Variants in TBC1D22A observed in about 807,000 individuals in gnomAD.
The protein encoded by TBC1D22A is TBC1 domain family member 22A, also known as putative GTPase activator.
A neutral mutation model predicts 60.2 loss-of-function variants in TBC1D22A; 38 were observed. That is an observed-to-expected ratio of 0.63 (90% CI 0.49 to 0.83). The LOEUF is 0.83. Ranked by LOEUF, TBC1D22A falls within the 40% of genes least tolerant of loss-of-function variation. The pLI, the probability that TBC1D22A is intolerant of heterozygous loss-of-function variation, is 0.00. For missense variants in TBC1D22A, 628 were observed against 701.0 expected, an observed-to-expected ratio of 0.90 and a Z score of 1.18; for synonymous variants, 302 against 281.7, an observed-to-expected ratio of 1.07 and a Z score of -0.72.
intron 7 of TBC1D22A, among the ~76,000 whole-genome samples, chr22:46,903,384 C>T (rs144254634): frequency 2.6e-5 from 4 of 152,218 alleles, no homozygotes; most frequent in African/African-American, 9.6e-5. Context: ...TTTGCCCTCC[C>T]CGCCCTGATG....
intron 12 of TBC1D22A, among the ~76,000 whole-genome samples, chr22:47,149,150 A>G (rs1227254088): frequency 6.6e-6 from 1 of 152,060 alleles, no homozygotes. Context: ...CTGGGGTCAC[A>G]TGGCTCGGGG....
At chr22:46,949,041 G>A (rs2072732258) in intron 8 of TBC1D22A, among the ~76,000 whole-genome samples, 1 of 152,126 alleles carries the variant, frequency 6.6e-6, no homozygotes, top group Non-Finnish European at 1.5e-5. Flanking sequence ...TCTGAGTGAG[G>A]GTCACTCATT....
intron 8 of TBC1D22A, among the ~76,000 whole-genome samples, chr22:46,937,453 C>T (rs2071722922): frequency 1.3e-5 from 2 of 152,290 alleles, no homozygotes; most frequent in South Asian, 4.1e-4. Flanking sequence ...ATGCTGGTGT[C>T]AACAAACCTA....
chr22:46,793,454 G>T, intron 2 of TBC1D22A, 47 bp from the exon 3 acceptor site: 1 of 1,596,300 alleles, frequency 6.3e-7, no homozygotes, highest in South Asian at 1.1e-5. Context: ...CTGGTTTTGG[G>T]TGAAGCCTTC....
intron 12 of TBC1D22A, among the ~76,000 whole-genome samples, chr22:47,136,581 G>C (rs1314929296): frequency 1.3e-5 from 1 of 76,896 alleles, no homozygotes; most frequent in African/African-American, 4.1e-5. Context: ...GTGAGGCTGT[G>C]GACCCAGTTC....
At chr22:46,996,285 C>T (rs1230846843) in intron 9 of TBC1D22A, among the ~76,000 whole-genome samples, 1 of 152,250 alleles carries the variant, frequency 6.6e-6, no homozygotes, top group Non-Finnish European at 1.5e-5. Context: ...CTAGCTGAGA[C>T]TCATGGGGCC....
intron 7 of TBC1D22A, among the ~76,000 whole-genome samples, chr22:46,904,142 T>TCTACCTACCTACCTACCTACCTAC (rs11268390): frequency 5.9e-5 from 8 of 134,576 alleles, no homozygotes; most frequent in African/African-American, 2.4e-4. Flanking sequence ...TATCTATCTA[T>TCTACCTACCTACCTACCTACCTAC]CTACCTACCT....
At chr22:46,896,010 C>T (rs182204371) in intron 7 of TBC1D22A, among the ~76,000 whole-genome samples, 140 of 152,274 alleles carry the variant, frequency 9.2e-4, no homozygotes, top group Admixed American at 3.3e-3. Flanking sequence ...TCCCTCCGCA[C>T]GCCGCACATC....
intron 8 of TBC1D22A, among the ~76,000 whole-genome samples, chr22:46,934,645 T>G (rs1469944767): frequency 6.6e-6 from 1 of 152,216 alleles, no homozygotes; most frequent in Admixed American, 6.5e-5. Context: ...GATGGAGTCC[T>G]GAGGGTGAGG....
chr22:47,111,751 C>T (rs1358369328), intron 12 of TBC1D22A, 148 bp downstream of exon 12: 8 of 710,910 alleles, frequency 1.1e-5, no homozygotes, highest in African/African-American at 3.6e-5. Flanking sequence ...GTTGAAAGCT[C>T]GTCCAGCTGA....
intron 5 of TBC1D22A, among the ~76,000 whole-genome samples, chr22:46,879,119 T>G: frequency 6.7e-6 from 1 of 149,134 alleles, no homozygotes; most frequent in East Asian, 2.1e-4. Flanking sequence ...TGACCAAGTT[T>G]TTTTTTTTTT....
intron 7 of TBC1D22A, among the ~76,000 whole-genome samples, chr22:46,904,142 T>TCTATCTATCTATCTGCCTGCCTAC (rs57116517): frequency 2.2e-5 from 3 of 134,500 alleles, no homozygotes; most frequent in Non-Finnish European, 1.6e-5. Context: ...TATCTATCTA[T>TCTATCTATCTATCTGCCTGCCTAC]CTACCTACCT....
chr22:46,935,379 T>A (rs2071586053), intron 8 of TBC1D22A, among the ~76,000 whole-genome samples: 1 of 152,162 alleles, frequency 6.6e-6, no homozygotes. Context: ...GTCAAAAAAA[T>A]TATAATCCTG....
At position 46,778,162 on chromosome 22, in the gene TBC1D22A, A is replaced by G. The variant is rs1186498124; in HGVS notation, c.63-14358A>G. Among the ~76,000 whole-genome samples the G allele has an allele frequency of 5.9e-5, 9 of 152,116 alleles. No homozygotes were observed. In the South Asian group the frequency reaches 1.7e-3, roughly 28 times the overall value. The stretch of plus-strand genomic sequence containing the variant: ...GACGGTGCCCTTGGTGGGTCGGTGA[A>G]TGAAGGGTGAGTGAATGGGAAGGTC... On this transcript the variant is annotated intron_variant, in intron 1 of 12. Transcript: ENST00000337137.
intron 9 of TBC1D22A, among the ~76,000 whole-genome samples, chr22:46,994,747 C>T (rs979768411): frequency 8.5e-5 from 13 of 152,228 alleles, no homozygotes; most frequent in African/African-American, 3.1e-4. Flanking sequence ...CAACCGGGCT[C>T]ATCAGAATTC....
At chr22:47,123,197 C>A (rs1181252466) in intron 12 of TBC1D22A, among the ~76,000 whole-genome samples, 2 of 152,166 alleles carry the variant, frequency 1.3e-5, no homozygotes, top group African/African-American at 4.8e-5. Context: ...TTCCCTTTGG[C>A]CTGAAAACAG....
chr22:47,049,073 T>C (rs1365843811), intron 11 of TBC1D22A, among the ~76,000 whole-genome samples: 1 of 152,200 alleles, frequency 6.6e-6, no homozygotes, highest in Non-Finnish European at 1.5e-5. Flanking sequence ...TCTGTGACCT[T>C]TCGTTAATGG....
rs537568295 is a variant in TBC1D22A at position 47,146,801 on chromosome 22, C to T, written c.1426-26697C>T. 1.2e-4 allele frequency among the ~76,000 whole-genome samples: 18 copies of T among 152,380 alleles called. 1 individual carries two copies. In the South Asian group the frequency reaches 2.3e-3, roughly 19 times the overall value. On this transcript the variant is annotated intron_variant, in intron 12 of 12. Coordinates refer to ENST00000337137, the MANE Select transcript of TBC1D22A (RefSeq NM_014346.5). ...ACGCCAGGGCTGGGGGATCTTCCCACAGACCTTGTTCCCTCCTCTGTCGTC... is the reference window on the plus strand; with the variant it reads ...ACGCCAGGGCTGGGGGATCTTCCCATAGACCTTGTTCCCTCCTCTGTCGTC...
chr22:47,040,157 G>A (rs1001675602), intron 11 of TBC1D22A, among the ~76,000 whole-genome samples: 2 of 151,982 alleles, frequency 1.3e-5, no homozygotes, highest in Non-Finnish European at 2.9e-5. Context: ...GTGTTAGCCA[G>A]GATGGTCTCG....
Sources: gnomAD v4.1 joint callset for allele counts (sites outside exome capture counted in the v4.1 genomes callset) on GRCh38, gnomAD v4.1.1 for gene constraint, MANE v1.5 for transcripts, NCBI Gene and HGNC (gene_info 2026-07-23, HGNC 2026-07-21) for gene names.